Variants in ARHGAP12 observed in about 807,000 individuals in gnomAD.
ARHGAP12 encodes Rho GTPase activating protein 12.
ARHGAP12 carries 64 observed loss-of-function variants against 108.6 expected under a neutral mutation model. That is an observed-to-expected ratio of 0.59 (90% CI 0.48 to 0.73). The LOEUF is 0.73. Ranked by LOEUF, ARHGAP12 falls within the 30% of genes least tolerant of loss-of-function variation. The pLI is 0.00. For synonymous variants in ARHGAP12, 312 were observed against 337.2 expected (o/e 0.93, Z 0.82); for missense variants, 940 against 1,005.9 (o/e 0.93, Z 0.89).
At chr10:31,916,560 T>A (rs1592381230) in intron 1 of ARHGAP12, among the ~76,000 whole-genome samples, 5 of 152,146 alleles carry the variant, frequency 3.3e-5, no homozygotes, top group Admixed American at 3.3e-4. Context: ...AACCAACCAA[T>A]CTGTTTAAGA....
At chr10:31,916,177 T>TA (rs1839547920) in intron 1 of ARHGAP12, among the ~76,000 whole-genome samples, 2 of 152,064 alleles carry the variant, frequency 1.3e-5, no homozygotes, top group Non-Finnish European at 1.5e-5. Flanking sequence ...CCCAAACACT[T>TA]ACAACTACTA....
chr10:31,902,143 T>C (rs1057442607), intron 3 of ARHGAP12, among the ~76,000 whole-genome samples: 7 of 152,280 alleles, frequency 4.6e-5, no homozygotes, highest in African/African-American at 7.2e-5. Context: ...ACTTATTGTA[T>C]AGCTATGGTA....
chr10:31,913,932 G>A (rs954781391), intron 1 of ARHGAP12, among the ~76,000 whole-genome samples: 2 of 151,938 alleles, frequency 1.3e-5, no homozygotes, highest in Admixed American at 6.6e-5. Context: ...TAACCTTCTT[G>A]GTATAGCACG....
chr10:31,837,870 C>T (rs1836087018), intron 9 of ARHGAP12, among the ~76,000 whole-genome samples: 3 of 152,032 alleles, frequency 2.0e-5, no homozygotes, highest in African/African-American at 7.3e-5. Context: ...TTTATTTATT[C>T]AACAAATATT....
At chr10:31,808,554 G>A in intron 19 of ARHGAP12, 95 bp downstream of exon 19, 1 of 1,034,748 alleles carries the variant, frequency 9.7e-7, no homozygotes, top group Non-Finnish European at 1.5e-6. Flanking sequence ...TAGCATAGCT[G>A]GGATCCAAAT....
At chr10:31,808,951 AT>A in intron 18 of ARHGAP12, 42 bp downstream of exon 18, 5 of 1,523,534 alleles carry the variant, frequency 3.3e-6, no homozygotes, top group Non-Finnish European at 4.5e-6. Context: ...TGTGCAAAGA[AT>A]TTTCAATATC....
intron 3 of ARHGAP12, among the ~76,000 whole-genome samples, chr10:31,866,108 A>C (rs909238167): frequency 6.6e-6 from 1 of 152,182 alleles, no homozygotes; most frequent in African/African-American, 2.4e-5. Flanking sequence ...AACATAACTA[A>C]AGAACCAGAC....
chr10:31,902,530 G>C (rs2132437399), intron 3 of ARHGAP12, among the ~76,000 whole-genome samples: 2 of 152,080 alleles, frequency 1.3e-5, no homozygotes, highest in South Asian at 4.2e-4. Flanking sequence ...TTATAAACTA[G>C]CTGGGCATGG....
intron 14 of ARHGAP12, among the ~76,000 whole-genome samples, chr10:31,813,703 T>C (rs35659734): frequency 0.2 from 30,813 of 152,132 alleles, 3,383 homozygotes; most frequent in East Asian, 0.47. Flanking sequence ...ACGGCCTATT[T>C]AAGCAATGTA....
chr10:31,811,015 C>T (rs1834996799), intron 15 of ARHGAP12, among the ~76,000 whole-genome samples: 1 of 152,210 alleles, frequency 6.6e-6, no homozygotes, highest in Non-Finnish European at 1.5e-5. Context: ...CCCAATTTGG[C>T]TCCTTCTTAT....
intron 3 of ARHGAP12, among the ~76,000 whole-genome samples, chr10:31,865,143 G>A (rs1837276092): frequency 6.6e-6 from 1 of 152,164 alleles, no homozygotes; most frequent in South Asian, 2.1e-4. Flanking sequence ...TGAAGGTCAT[G>A]TTGCAAAGCA....
intron 4 of ARHGAP12, among the ~76,000 whole-genome samples, chr10:31,855,103 GAGGGGAGGGA>G (rs1195466871): frequency 1.1e-5 from 1 of 91,756 alleles, no homozygotes; most frequent in African/African-American, 4.1e-5. Flanking sequence ...GAGGGGAGGG[GAGGGGAGGGA>G]GAGGAAGGGA....
At chr10:31,880,346 T>C (rs1012071556) in intron 3 of ARHGAP12, among the ~76,000 whole-genome samples, 1 of 152,218 alleles carries the variant, frequency 6.6e-6, no homozygotes, top group Non-Finnish European at 1.5e-5. Flanking sequence ...CAATGTCTCA[T>C]GCCTGTAATC....
At chr10:31,818,392 G>A (rs1257610457) in intron 12 of ARHGAP12, among the ~76,000 whole-genome samples, 2 of 152,158 alleles carry the variant, frequency 1.3e-5, no homozygotes, top group Admixed American at 6.5e-5. Flanking sequence ...AGGCATAAAT[G>A]TCACACCCCT....
At chr10:31,810,628 A>G in intron 16 of ARHGAP12, 21 bp downstream of exon 16, 1 of 1,523,574 alleles carries the variant, frequency 6.6e-7, no homozygotes. Flanking sequence ...TTAAAAAAAA[A>G]AATCAAAATC....
chr10:31,844,027 C>T (rs531521480), intron 6 of ARHGAP12, among the ~76,000 whole-genome samples: 1 of 152,030 alleles, frequency 6.6e-6, no homozygotes, highest in African/African-American at 2.4e-5. Context: ...CTACTAAAAT[C>T]AAAAATAAGC....
Position 31,835,994 on chromosome 10 carries a change from A to G in ARHGAP12, c.1386+3311T>C, listed in dbSNP as rs571561601. On this transcript the variant is annotated intron_variant, in intron 9 of 19. Coordinates refer to ENST00000344936, the MANE Select transcript of ARHGAP12 (RefSeq NM_018287.7). ...TACCCTTTAAAATGGTTACTGGTTAATTTTATGTTACATAAGTTTTATCTG... is the reference window on the plus strand; with the variant it reads ...TACCCTTTAAAATGGTTACTGGTTAGTTTTATGTTACATAAGTTTTATCTG... Among the ~76,000 whole-genome samples, 23 of 152,286 alleles carry G rather than the reference A, an allele frequency of 1.5e-4. No individual in the cohort carries two copies. The South Asian group carries it at 4.8e-3, about 32-fold the overall frequency.
Position 31,916,822 on chromosome 10 carries a change from G to A in ARHGAP12, c.-110-6259C>T, listed in dbSNP as rs539952546. Among the ~76,000 whole-genome samples, 22 of 151,960 alleles carry A rather than the reference G, an allele frequency of 1.4e-4. No individual in the cohort carries two copies. The South Asian group carries it at 3.3e-3, about 23-fold the overall frequency. ...AGTACAGATGGGGTTTCACCATGTT[G>A]GCCAGGCTGGTCTGGAATTCCTGAC... is the stretch of plus-strand genomic sequence containing the variant. On this transcript the variant is annotated intron_variant, in intron 1 of 19. Transcript: ENST00000344936.
chr10:31,854,456 A>C (rs2132287856), intron 4 of ARHGAP12, among the ~76,000 whole-genome samples: 1 of 152,282 alleles, frequency 6.6e-6, no homozygotes, highest in East Asian at 1.9e-4. Flanking sequence ...AACTGAAAAC[A>C]ATGTTTTCAG....
Sources: gnomAD v4.1 joint callset for allele counts (sites outside exome capture counted in the v4.1 genomes callset) on GRCh38, gnomAD v4.1.1 for gene constraint, MANE v1.5 for transcripts, NCBI Gene and HGNC (gene_info 2026-07-23, HGNC 2026-07-21) for gene names.